The following ABHD3 variants were observed in gnomAD, a reference collection of about 807,000 sequenced individuals.
ABHD3 encodes the protein phospholipase ABHD3.
A neutral mutation model predicts 48.8 loss-of-function variants in ABHD3; 46 were observed. The observed-to-expected ratio is 0.94, with a 90% CI of 0.74 to 1.20. ABHD3 has a LOEUF of 1.20. Ranked by LOEUF, ABHD3 falls within the 50% of genes most tolerant of loss-of-function variation. ABHD3 has a pLI of 0.00. For missense variants in ABHD3, 490 were observed against 497.8 expected (o/e 0.98, Z 0.15); for synonymous variants, 192 against 183.7 (o/e 1.04, Z -0.36).
At chr18:21,667,233 CCTT>C (rs2039653593) in intron 4 of ABHD3, among the ~76,000 whole-genome samples, 2 of 144,052 alleles carry the variant, frequency 1.4e-5, no homozygotes, top group East Asian at 2.1e-4. Context: ...ACCACCACAC[CCTT>C]TTTTTTTTTT....
intron 3 of ABHD3, among the ~76,000 whole-genome samples, chr18:21,696,026 G>A (rs992766368): frequency 6.6e-6 from 1 of 151,674 alleles, no homozygotes; most frequent in African/African-American, 2.4e-5. Context: ...GAAGGCTCTC[G>A]GTTTTATTTT....
chr18:21,660,063 G>A (rs1289793057), intron 5 of ABHD3, among the ~76,000 whole-genome samples: 1 of 140,462 alleles, frequency 7.1e-6, no homozygotes, highest in Non-Finnish European at 1.5e-5. Flanking sequence ...CTGGGCTGAA[G>A]TGATCCTCCC....
intron 3 of ABHD3, among the ~76,000 whole-genome samples, chr18:21,696,367 T>C (rs1043107723): frequency 6.6e-5 from 10 of 152,256 alleles, no homozygotes; most frequent in South Asian, 6.2e-4. Flanking sequence ...GCTAGGATGG[T>C]CTCACTCTCC....
At chr18:21,685,617 C>T (rs949140068) in intron 3 of ABHD3, among the ~76,000 whole-genome samples, 1 of 152,242 alleles carries the variant, frequency 6.6e-6, no homozygotes, top group Admixed American at 6.5e-5. Flanking sequence ...CAGCCTCAGC[C>T]TCTCATGCTC....
At chr18:21,698,614 T>C (rs570088744) in intron 3 of ABHD3, among the ~76,000 whole-genome samples, 1 of 152,264 alleles carries the variant, frequency 6.6e-6, no homozygotes, top group Admixed American at 6.5e-5. Context: ...AGTACCTCAC[T>C]GCAACCTCTG....
At position 21,663,861 on chromosome 18, in the gene ABHD3, A is replaced by T. The variant is rs981896590; in HGVS notation, c.668+257T>A. Reference sequence around the variant, plus strand: ...GCCGGTGAGTGATGCAATCGACTTCATGGGCTTCAGACAAACCTTCAGGCT... The same window carrying T: ...GCCGGTGAGTGATGCAATCGACTTCTTGGGCTTCAGACAAACCTTCAGGCT... On this transcript the variant is annotated intron_variant, in intron 5 of 8. Coordinates refer to ENST00000289119, the MANE Select transcript of ABHD3 (RefSeq NM_138340.5). 2.0e-6 allele frequency: 3 copies of T among 1,493,568 alleles called. No individual in the cohort carries two copies. The African/African-American group carries it at 4.2e-5, about 21-fold the overall frequency. 92.5% of individuals were successfully genotyped at this position (1,493,568 alleles called of 1,614,324 possible).
At position 21,664,101 on chromosome 18, in the gene ABHD3, G is replaced by A; in HGVS notation, c.668+17C>T. ...AGCTTCCCTCTCAGAGATTATTTTA[G>A]AAAGGGAAAACCTTACCCTCCCATT... On this transcript the variant is annotated intron_variant, in intron 5 of 8. Transcript: ENST00000289119. The A allele has an allele frequency of 6.3e-7, 1 of 1,597,482 alleles. No individual in the cohort carries two copies. Among genetic ancestry groups the A allele is most frequent in the Non-Finnish European group, 8.5e-7 (1 of 1,175,886 alleles).
chr18:21,676,437 G>A (rs1296199793), intron 4 of ABHD3, among the ~76,000 whole-genome samples: 4 of 152,118 alleles, frequency 2.6e-5, no homozygotes, highest in Non-Finnish European at 4.4e-5. Context: ...TGTAGCCCAG[G>A]CTACACACAG....
At chr18:21,671,461 A>C (rs1483078335) in intron 4 of ABHD3, among the ~76,000 whole-genome samples, 3 of 152,160 alleles carry the variant, frequency 2.0e-5, no homozygotes, top group Non-Finnish European at 4.4e-5. Flanking sequence ...TCCAGGCCTG[A>C]AGATACAACT....
rs2040139407 is a variant in ABHD3 at position 21,686,888 on chromosome 18, TC to T, written c.510-2924del. On this transcript the variant is annotated intron_variant, in intron 3 of 8. Transcript: ENST00000289119. ...AAAGGGCTGGCTGTGAAACTACTAT[TC>T]CTAAGGCATTGAAAAATCTGTTAAC... Among the ~76,000 whole-genome samples the T allele has an allele frequency of 1.3e-5, 2 of 152,164 alleles. 1 individual carries two copies. The highest frequency in any genetic ancestry group is 1.3e-4 in the Admixed American group (2 of 15,250).
intron 4 of ABHD3, among the ~76,000 whole-genome samples, chr18:21,677,770 A>G (rs1039044551): frequency 1.2e-4 from 18 of 149,880 alleles, no homozygotes; most frequent in African/African-American, 4.4e-4. Flanking sequence ...TGCAACCTCC[A>G]CCTCCCGGGT....
At chr18:21,686,915 CTCT>C (rs887014660) in intron 3 of ABHD3, among the ~76,000 whole-genome samples, 7 of 152,068 alleles carry the variant, frequency 4.6e-5, no homozygotes, top group East Asian at 3.9e-4. Flanking sequence ...ATCTGTTAAC[CTCT>C]TCTTCTTTTT....
At chr18:21,656,070 T>C (rs369800338) in intron 8 of ABHD3, among the ~76,000 whole-genome samples, 11 of 151,904 alleles carry the variant, frequency 7.2e-5, no homozygotes, top group Admixed American at 2.0e-4. Context: ...GAGGGAGAAT[T>C]GCTTGAACCC....
At position 21,659,213 on chromosome 18, in the gene ABHD3, A is replaced by G; in HGVS notation, c.799T>C (p.Phe267Leu). The change falls in exon 6 of 9, where the codon TTT becomes CTT. Residue 267 changes from phenylalanine (F) to leucine (L), a missense_variant. Phe to Leu is a conservative substitution (Grantham distance 22). Transcript: ENST00000289119. ...AGGCAGGTTGTCAAATAGTAATTAA[A>G]AAGTAGCCAGTTCAGTGGTTTTTCC... ...SLEKPLNWLLFNYYLTTCLQS... is the reference protein window; with the variant it reads ...SLEKPLNWLLLNYYLTTCLQS... 1 of 1,613,838 alleles carries G rather than the reference A, an allele frequency of 6.2e-7. No individual in the cohort carries two copies. Among genetic ancestry groups the G allele is most frequent in the Non-Finnish European group, 8.5e-7 (1 of 1,179,940 alleles).
At chr18:21,654,901 G>A (rs1385972288) in intron 8 of ABHD3, 2 of 152,210 alleles carry the variant, frequency 1.3e-5, no homozygotes, top group Non-Finnish European at 2.9e-5. Context: ...AGGTTAAAAT[G>A]TTGGGAACTT....
chr18:21,653,507 C>A (rs2039276889), intron 8 of ABHD3, among the ~76,000 whole-genome samples: 1 of 151,318 alleles, frequency 6.6e-6, no homozygotes, highest in South Asian at 2.1e-4. Flanking sequence ...GCTTAGAGGT[C>A]AGTGAAAATG....
intron 4 of ABHD3, 188 bp from the exon 5 acceptor site, chr18:21,664,418 A>C: frequency 3.7e-6 from 2 of 547,678 alleles, no homozygotes; most frequent in Admixed American, 7.2e-5. Flanking sequence ...TAAAGTCAGC[A>C]CAGTTAGAGT....
chr18:21,691,375 A>G (rs1453485220), intron 3 of ABHD3, among the ~76,000 whole-genome samples: 1 of 152,210 alleles, frequency 6.6e-6, no homozygotes, highest in African/African-American at 2.4e-5. Flanking sequence ...TAGTCTGAAA[A>G]ACATTATCAA....
intron 3 of ABHD3, among the ~76,000 whole-genome samples, chr18:21,696,141 T>G (rs1371985427): frequency 3.3e-5 from 5 of 151,168 alleles, no homozygotes; most frequent in African/African-American, 9.7e-5. Flanking sequence ...ACTGTTTTTC[T>G]CCTTGTTTTT....
Sources: allele counts gnomAD v4.1 joint callset (sites outside exome capture counted in the v4.1 genomes callset), GRCh38; gene constraint gnomAD v4.1.1; transcripts MANE v1.5; gene names NCBI Gene and HGNC (gene_info 2026-07-23, HGNC 2026-07-21).